The following ZFYVE9 variants were observed in gnomAD, a reference collection of about 807,000 sequenced individuals.
The protein encoded by ZFYVE9 is zinc finger FYVE domain-containing protein 9.
In ZFYVE9, 43 loss-of-function variants were observed where a neutral mutation model predicts 126.7. That is an observed-to-expected ratio of 0.34 (90% CI 0.27 to 0.44). The LOEUF is 0.44. Ranked by LOEUF, ZFYVE9 falls within the 20% of genes least tolerant of loss-of-function variation. ZFYVE9 has a pLI of 1.00. For missense variants in ZFYVE9, 1,476 were observed against 1,697.0 expected (o/e 0.87, Z 2.29); for synonymous variants, 521 against 597.4 (o/e 0.87, Z 1.87).
In ZFYVE9 at chr1:52,181,113, C is replaced by T. The variant is rs906550886; in HGVS notation, c.-142-35256C>T. 7.2e-5 allele frequency among the ~76,000 whole-genome samples: 11 copies of T among 152,212 alleles called. No homozygotes were observed. The East Asian group carries it at 1.7e-3, about 24-fold the overall frequency. On this transcript the variant is annotated intron_variant, in intron 1 of 18. Coordinates refer to ENST00000287727, the MANE Select transcript of ZFYVE9 (RefSeq NM_004799.4). ...CGGTCTCCTTCTCCCTCTCTTTCCA[C>T]GGTCTCCCTCTGATGCCGAGCCGAA...
At chr1:52,166,668 G>GT (rs1644516860) in intron 1 of ZFYVE9, among the ~76,000 whole-genome samples, 1 of 152,006 alleles carries the variant, frequency 6.6e-6, no homozygotes, top group South Asian at 2.1e-4. Context: ...TAATCCCAGC[G>GT]TGAGGAGGCC....
intron 12 of ZFYVE9, 48 bp downstream of exon 12, chr1:52,296,025 G>C (rs1645970996): frequency 6.5e-7 from 1 of 1,526,782 alleles, no homozygotes; most frequent in East Asian, 2.3e-5. Flanking sequence ...GTTTATATGG[G>C]AGAAGGAAGA....
chr1:52,336,838 T>C (rs1356758314), intron 15 of ZFYVE9, among the ~76,000 whole-genome samples: 1 of 151,762 alleles, frequency 6.6e-6, no homozygotes, highest in Non-Finnish European at 1.5e-5. Flanking sequence ...TACCAGCTAC[T>C]TGGGAGGCTG....
chr1:52,236,257 C>T (rs913879861), intron 3 of ZFYVE9, among the ~76,000 whole-genome samples: 2 of 152,164 alleles, frequency 1.3e-5, no homozygotes, highest in South Asian at 2.1e-4. Context: ...TATGTTCTAC[C>T]TATCAGGCAC....
chr1:52,335,687 A>G (rs752689388), intron 15 of ZFYVE9, among the ~76,000 whole-genome samples: 2 of 152,188 alleles, frequency 1.3e-5, no homozygotes, highest in Non-Finnish European at 2.9e-5. Context: ...AAGGGAGGGA[A>G]ATTAGACTTC....
Position 52,266,405 on chromosome 1 carries a change from T to TAAAAAAAAAAA in ZFYVE9, c.2279-231_2279-221dup, listed in dbSNP as rs33996604. On this transcript the variant is annotated intron_variant, in intron 5 of 18. Transcript: ENST00000287727. ...AGCCACCACTCCCGGTCTAATTCTT[T>TAAAAAAAAAAA]AAAAAAAAAAAAAAAAAAAAAAAAA... Among the ~76,000 whole-genome samples the TAAAAAAAAAAA allele has an allele frequency of 1.0e-3, 87 of 85,636 alleles. 2 individuals carry two copies. The highest frequency in any genetic ancestry group is 3.5e-3 in the African/African-American group (74 of 20,872). 56.2% of individuals were successfully genotyped at this position (85,636 alleles called of 152,430 possible). A position where few individuals can be genotyped will look rare whatever the true frequency, so the allele number is the denominator to read the frequency against.
intron 10 of ZFYVE9, among the ~76,000 whole-genome samples, chr1:52,288,599 T>C (rs1645886291): frequency 6.6e-6 from 1 of 152,216 alleles, no homozygotes. Context: ...TTTTGATGGC[T>C]TGAGTTTTAG....
At chr1:52,281,402 G>A (rs1645803398) in intron 9 of ZFYVE9, among the ~76,000 whole-genome samples, 1 of 151,974 alleles carries the variant, frequency 6.6e-6, no homozygotes, top group African/African-American at 2.4e-5. Flanking sequence ...CAAAGTGCTG[G>A]GATTACAGGC....
chr1:52,192,028 G>C (rs1313056260), intron 1 of ZFYVE9, among the ~76,000 whole-genome samples: 2 of 63,916 alleles, frequency 3.1e-5, no homozygotes, highest in African/African-American at 6.2e-5. Context: ...TAATTGGCAG[G>C]GGCTTTTTTT....
intron 1 of ZFYVE9, among the ~76,000 whole-genome samples, chr1:52,151,286 A>T (rs927647498): frequency 2.0e-5 from 3 of 152,068 alleles, no homozygotes; most frequent in Non-Finnish European, 2.9e-5. Flanking sequence ...AGTGTTTCAC[A>T]TATGTTATTT....
In ZFYVE9 at chr1:52,142,257, C is replaced by T. The variant is rs2124481846; in HGVS notation, c.-289C>T. 1 of 151,816 alleles carries T rather than the reference C, an allele frequency of 6.6e-6. No homozygotes were observed. The highest frequency in any genetic ancestry group is 6.6e-5 in the Admixed American group (1 of 15,248). 9.4% of individuals were successfully genotyped at this position (151,816 alleles called of 1,614,324 possible). ...GGGTGCCGGGCCTTAGCAGCAGTAG[C>T]AGCCGCAGCTGCGGCTACCGCAGCT... is the stretch of plus-strand genomic sequence containing the variant. On this transcript the variant is annotated 5_prime_UTR_variant, in exon 1 of 19. Coordinates refer to ENST00000287727, the MANE Select transcript of ZFYVE9 (RefSeq NM_004799.4). The surrounding 1 kb of genome is among the most constrained non-coding windows in gnomAD (Gnocchi z 4.5).
chr1:52,235,042 A>G (rs955165722), intron 3 of ZFYVE9, among the ~76,000 whole-genome samples: 3 of 152,196 alleles, frequency 2.0e-5, no homozygotes, highest in Non-Finnish European at 4.4e-5. Context: ...GTTGTTTTCA[A>G]TACATTTTTG....
intron 1 of ZFYVE9, among the ~76,000 whole-genome samples, chr1:52,194,139 A>C (rs1355576077): frequency 6.6e-6 from 1 of 152,180 alleles, no homozygotes; most frequent in East Asian, 1.9e-4. Flanking sequence ...ATCTGGAAAG[A>C]TATCTAGGAT....
chr1:52,297,957 A>G (rs1645994601), intron 12 of ZFYVE9, among the ~76,000 whole-genome samples: 1 of 151,852 alleles, frequency 6.6e-6, no homozygotes. Context: ...CGAGTGATCC[A>G]CCCACCTCAG....
intron 4 of ZFYVE9, among the ~76,000 whole-genome samples, chr1:52,251,810 CT>C (rs1645450187): frequency 2.0e-5 from 3 of 152,268 alleles, no homozygotes; most frequent in Middle Eastern, 3.4e-3. Flanking sequence ...CCAAAATCAT[CT>C]GATCTAGGGC....
At chr1:52,336,831 C>T (rs1646394168) in intron 15 of ZFYVE9, among the ~76,000 whole-genome samples, 2 of 151,228 alleles carry the variant, frequency 1.3e-5, no homozygotes, top group Admixed American at 1.3e-4. Flanking sequence ...CCTATAGTAC[C>T]AGCTACTTGG....
intron 5 of ZFYVE9, among the ~76,000 whole-genome samples, chr1:52,266,349 G>A (rs1645632774): frequency 7.1e-6 from 1 of 140,808 alleles, no homozygotes; most frequent in African/African-American, 2.7e-5. Flanking sequence ...CACCCGCCTC[G>A]GCCTCCCAAA....
At chr1:52,179,596 T>C (rs1257217408) in intron 1 of ZFYVE9, among the ~76,000 whole-genome samples, 1 of 151,526 alleles carries the variant, frequency 6.6e-6, no homozygotes, top group Non-Finnish European at 1.5e-5. Flanking sequence ...ATTGTGCCAC[T>C]GCACTCCAAC....
intron 1 of ZFYVE9, among the ~76,000 whole-genome samples, chr1:52,195,518 G>GT (rs982597327): frequency 1.3e-5 from 2 of 152,176 alleles, no homozygotes; most frequent in Non-Finnish European, 2.9e-5. Flanking sequence ...CTGCCCTCTT[G>GT]TAGTATACAT....
Sources: allele counts gnomAD v4.1 joint callset (sites outside exome capture counted in the v4.1 genomes callset), GRCh38; gene constraint gnomAD v4.1.1; non-coding constraint Gnocchi (gnomAD v3.1); transcripts MANE v1.5; gene names NCBI Gene and HGNC (gene_info 2026-07-23, HGNC 2026-07-21).